Variants in PRDM5 observed in about 807,000 individuals in gnomAD.
PRDM5 encodes PR domain zinc finger protein 5.
PRDM5 carries 56 observed loss-of-function variants against 81.2 expected under a neutral mutation model. The observed-to-expected ratio is 0.69, with a 90% CI of 0.56 to 0.86. The LOEUF (loss-of-function observed/expected upper bound fraction) is 0.86, where lower values mean the gene tolerates loss of function less well. Among genes scored for constraint, PRDM5 ranks in the 40% least tolerant of loss-of-function variants. PRDM5 has a pLI of 0.00. For synonymous variants in PRDM5, 267 were observed against 256.4 expected, an observed-to-expected ratio of 1.04 and a Z score of -0.39; for missense variants, 697 against 770.1, an observed-to-expected ratio of 0.91 and a Z score of 1.12.
intron 2 of PRDM5, among the ~76,000 whole-genome samples, chr4:120,902,440 T>A (rs552744455): frequency 2.6e-5 from 4 of 152,174 alleles, no homozygotes; most frequent in Admixed American, 2.6e-4. Context: ...ATAGAATGAG[T>A]CTGAATTAGT....
intron 2 of PRDM5, among the ~76,000 whole-genome samples, chr4:120,901,727 C>T (rs956503615): frequency 4.6e-5 from 7 of 152,132 alleles, no homozygotes; most frequent in Non-Finnish European, 8.8e-5. Flanking sequence ...TATGAAAATG[C>T]CACCCAGAAT....
intron 10 of PRDM5, among the ~76,000 whole-genome samples, chr4:120,790,869 G>C (rs1750464971): frequency 6.6e-6 from 1 of 152,164 alleles, no homozygotes; most frequent in African/African-American, 2.4e-5. Context: ...CTTGAGCCTT[G>C]GAGGTGGAGG....
At chr4:120,811,309 A>G (rs1328645881) in intron 8 of PRDM5, 61 bp downstream of exon 8, 2 of 1,146,156 alleles carry the variant, frequency 1.7e-6, no homozygotes, top group African/African-American at 1.6e-5. Context: ...TACTTACTAT[A>G]AAACATATTA....
chr4:120,907,543 T>G lies in PRDM5; in HGVS notation c.108A>C (p.Gly36=). Residue 36 remains glycine, a synonymous_variant, in exon 2 of 16, where the codon GGA becomes GGC. Coordinates refer to ENST00000264808, the MANE Select transcript of PRDM5 (RefSeq NM_018699.4). ...GCATTCTCTTCTCTCCAGCAAAGGG[T>G]CCGAACTTTTCACCCTGAGTAGCAA... ...ARRVRKGEKF[G]PFAGEKRMPE... 1 of 1,610,772 alleles carries G rather than the reference T, an allele frequency of 6.2e-7. No homozygotes were observed. Among genetic ancestry groups the G allele is most frequent in the Non-Finnish European group, 8.5e-7 (1 of 1,177,044 alleles).
intron 3 of PRDM5, among the ~76,000 whole-genome samples, chr4:120,825,039 G>A (rs760004043): frequency 1.3e-5 from 2 of 152,072 alleles, no homozygotes; most frequent in African/African-American, 2.4e-5. Context: ...TTGATACCAG[G>A]AAGCAGTACT....
intron 14 of PRDM5, among the ~76,000 whole-genome samples, chr4:120,734,457 C>T (rs1414722436): frequency 6.6e-6 from 1 of 151,968 alleles, no homozygotes; most frequent in Non-Finnish European, 1.5e-5. Context: ...CCCTTACTCA[C>T]TACGTTCAAA....
chr4:120,883,326 A>G (rs1763054348), intron 2 of PRDM5, among the ~76,000 whole-genome samples: 1 of 152,176 alleles, frequency 6.6e-6, no homozygotes, highest in African/African-American at 2.4e-5. Flanking sequence ...TCTAGTATAC[A>G]ATTAGAAATC....
At chr4:120,794,431 A>G (rs1322836216) in intron 10 of PRDM5, among the ~76,000 whole-genome samples, 1 of 151,992 alleles carries the variant, frequency 6.6e-6, no homozygotes, top group African/African-American at 2.4e-5. Context: ...GTCTAATAAA[A>G]TTTATACCAG....
At chr4:120,799,605 A>G in intron 9 of PRDM5, 56 bp downstream of exon 9, 2 of 1,587,132 alleles carry the variant, frequency 1.3e-6, no homozygotes, top group Admixed American at 1.7e-5. Flanking sequence ...ATAAAAAGTG[A>G]CAATGTAATT....
intron 8 of PRDM5, among the ~76,000 whole-genome samples, chr4:120,810,940 T>C: frequency 6.6e-6 from 1 of 152,186 alleles, no homozygotes. Flanking sequence ...GTCAAATTAC[T>C]TTGTAATACA....
chr4:120,717,988 A>G (rs780344910), intron 14 of PRDM5, among the ~76,000 whole-genome samples: 2 of 152,190 alleles, frequency 1.3e-5, no homozygotes, highest in Non-Finnish European at 2.9e-5. Context: ...ACTTGTAGGC[A>G]ATGAAAGAAA....
chr4:120,703,663 C>G (rs773876428), intron 15 of PRDM5, among the ~76,000 whole-genome samples: 1 of 152,138 alleles, frequency 6.6e-6, no homozygotes, highest in Non-Finnish European at 1.5e-5. Context: ...TTAACTTGCT[C>G]AATCCTCACA....
chr4:120,732,948 A>C (rs1055424748), intron 14 of PRDM5, among the ~76,000 whole-genome samples: 8 of 152,258 alleles, frequency 5.3e-5, no homozygotes, highest in Non-Finnish European at 8.8e-5. Context: ...AATAATGAAG[A>C]CATTTTAGAA....
chr4:120,768,728 C>T (rs531188168), intron 13 of PRDM5, among the ~76,000 whole-genome samples: 5 of 152,306 alleles, frequency 3.3e-5, no homozygotes, highest in African/African-American at 7.2e-5. Flanking sequence ...ATTTCCTCTA[C>T]GTTCTTTCTA....
chr4:120,692,659 G>C lies in PRDM5; in HGVS notation c.*2452C>G, dbSNP rs1478836419. On this transcript the variant is annotated 3_prime_UTR_variant, in exon 16 of 16. Transcript: ENST00000264808. ...ATTGAACGTCTCTTAAATTTACTTA[G>C]CCAATTTCTAAGTCTCAATTACTTA... 6.6e-6 allele frequency: 1 copy of C among 151,998 alleles called. No homozygotes were observed. The highest frequency in any genetic ancestry group is 2.4e-5 in the African/African-American group (1 of 41,398). 9.4% of individuals were successfully genotyped at this position (151,998 alleles called of 1,614,324 possible).
chr4:120,743,189 A>C (rs1048491415), intron 14 of PRDM5, among the ~76,000 whole-genome samples: 20 of 151,838 alleles, frequency 1.3e-4, no homozygotes, highest in Admixed American at 5.9e-4. Context: ...AAGCTTCATA[A>C]GTGAAGGAGA....
intron 14 of PRDM5, among the ~76,000 whole-genome samples, chr4:120,752,126 C>G (rs576722335): frequency 1.3e-5 from 2 of 152,146 alleles, no homozygotes; most frequent in Non-Finnish European, 1.5e-5. Context: ...GGTTGTTCCT[C>G]TAGCACATTT....
At chr4:120,701,707 C>T (rs192844237) in intron 15 of PRDM5, among the ~76,000 whole-genome samples, 205 of 152,248 alleles carry the variant, frequency 1.3e-3, no homozygotes, top group Non-Finnish European at 2.5e-3. Context: ...TGAAAAACTA[C>T]TGGGTACTAT....
At chr4:120,847,507 A>T (rs897364895) in intron 3 of PRDM5, among the ~76,000 whole-genome samples, 3 of 152,142 alleles carry the variant, frequency 2.0e-5, no homozygotes, top group African/African-American at 7.2e-5. Flanking sequence ...CACAGACTTC[A>T]ATCAAGTTTT....
Sources: gnomAD v4.1 joint callset for allele counts (sites outside exome capture counted in the v4.1 genomes callset) on GRCh38, gnomAD v4.1.1 for gene constraint, MANE v1.5 for transcripts, NCBI Gene and HGNC (gene_info 2026-07-23, HGNC 2026-07-21) for gene names.